Variants in NCR1 observed in about 807,000 individuals in gnomAD.
The protein encoded by NCR1 is NK cell-activating receptor.
A neutral mutation model predicts 32.5 loss-of-function variants in NCR1; 30 were observed. That is an observed-to-expected ratio of 0.92 (90% CI 0.69 to 1.25). The LOEUF is 1.25. Among genes scored for constraint, NCR1 ranks in the 50% most tolerant of loss-of-function variants. The pLI is 0.00. For missense variants in NCR1, 369 were observed against 380.7 expected, an observed-to-expected ratio of 0.97 and a Z score of 0.26; for synonymous variants, 169 against 143.4, an observed-to-expected ratio of 1.18 and a Z score of -1.28.
the NCR1 span, among the ~76,000 whole-genome samples, chr19:54,933,946 A>G: frequency 5.9e-5 from 9 of 152,106 alleles, no homozygotes; most frequent in African/African-American, 2.2e-4. Flanking sequence ...ATCACAGGAC[A>G]CAGGTGTTGT....
At chr19:54,936,239 G>C in the NCR1 span, 1 of 1,608,480 alleles carries the variant, frequency 6.2e-7, no homozygotes. Flanking sequence ...GTGCTGGGGA[G>C]AGCCGTGACC....
At chr19:54,934,706 A>G in the NCR1 span, 18 of 1,478,442 alleles carry the variant, frequency 1.2e-5, no homozygotes, top group Non-Finnish European at 1.6e-5. This position sits in a 1 kb window ranked among gnomAD's most constrained non-coding sequence, Gnocchi z 6.7. Context: ...GACAGAGTAT[A>G]CCCTATCAGC....
chr19:54,910,398 C>T (rs2067910847), intron 5 of NCR1, among the ~76,000 whole-genome samples: 1 of 151,954 alleles, frequency 6.6e-6, no homozygotes, highest in Non-Finnish European at 1.5e-5. Flanking sequence ...GGTGAAACCC[C>T]ATCTCTACTA....
At chr19:54,935,353 C>T in the NCR1 span, among the ~76,000 whole-genome samples, 1 of 152,012 alleles carries the variant, frequency 6.6e-6, no homozygotes, top group Non-Finnish European at 1.5e-5. Flanking sequence ...TCAGCATCCA[C>T]TGTAGCTGGG....
upstream of NCR1, among the ~76,000 whole-genome samples, chr19:54,903,344 A>C (rs1314736234): frequency 8.4e-6 from 1 of 119,488 alleles, no homozygotes; most frequent in East Asian, 2.4e-4. Flanking sequence ...ATGTATATAC[A>C]TATATGCATA....
chr19:54,936,539 T>C, the NCR1 span: 3 of 1,009,076 alleles, frequency 3.0e-6, no homozygotes, highest in East Asian at 7.2e-5. Flanking sequence ...TAGAAGTTCT[T>C]GGCCGGGTGC....
upstream of NCR1, among the ~76,000 whole-genome samples, chr19:54,901,355 C>T (rs1569535300): frequency 1.5e-5 from 1 of 66,092 alleles, no homozygotes; most frequent in Admixed American, 2.2e-4. Flanking sequence ...AGCGAGAGTC[C>T]ATCTCAAAAA....
the NCR1 span, chr19:54,934,583 G>A: frequency 6.2e-7 from 1 of 1,614,130 alleles, no homozygotes; most frequent in South Asian, 1.1e-5. This position sits in a 1 kb window ranked among gnomAD's most constrained non-coding sequence, Gnocchi z 6.7. Context: ...AGACGCAGGT[G>A]CTTCAGGGAC....
the NCR1 span, chr19:54,933,702 C>T: frequency 6.2e-7 from 1 of 1,614,176 alleles, no homozygotes; most frequent in East Asian, 2.2e-5. Flanking sequence ...GCAGCAAGGT[C>T]CTTGCAACTG....
chr19:54,917,477 G>A (rs1160358932), downstream of NCR1, among the ~76,000 whole-genome samples: 5 of 151,952 alleles, frequency 3.3e-5, no homozygotes, highest in African/African-American at 4.8e-5. Flanking sequence ...GTGCCGCCAC[G>A]CCTGGCTAAT....
the NCR1 span, among the ~76,000 whole-genome samples, chr19:54,899,345 C>T: frequency 3.6e-4 from 55 of 151,930 alleles, no homozygotes; most frequent in Middle Eastern, 3.4e-3. Flanking sequence ...TTTAAGAACA[C>T]AGGCTAAGGG....
At chr19:54,904,780 C>T (rs192470842), upstream of NCR1, among the ~76,000 whole-genome samples, 4 of 152,256 alleles carry the variant, frequency 2.6e-5, no homozygotes, top group Non-Finnish European at 5.9e-5. Context: ...GATCCACCTG[C>T]CTCAGCCTCC....
At chr19:54,900,343 T>G in the NCR1 span, among the ~76,000 whole-genome samples, 1 of 151,706 alleles carries the variant, frequency 6.6e-6, no homozygotes, top group Non-Finnish European at 1.5e-5. Context: ...TAAAGGAAAA[T>G]TACAGTCAAA....
chr19:54,932,886 G>A, the NCR1 span, among the ~76,000 whole-genome samples: 3 of 151,982 alleles, frequency 2.0e-5, no homozygotes, highest in Admixed American at 6.6e-5. Context: ...CGAACCTTAG[G>A]TGATCTGCCC....
In NCR1 at chr19:54,912,152, C is replaced by T. The variant is rs2146088003; in HGVS notation, c.683-16C>T. On this transcript the variant is annotated splice_polypyrimidine_tract_variant and intron_variant, in intron 5 of 6. Coordinates refer to ENST00000291890, the MANE Select transcript of NCR1 (RefSeq NM_004829.7). ...GGTCAAAACCATCCTCTTTTCTTCA[C>T]TTCCCTTATCATCAGCAGACACTTG... 4 of 1,612,630 alleles carry T rather than the reference C, an allele frequency of 2.5e-6. No homozygotes were observed. The highest frequency in any genetic ancestry group is 3.4e-6 in the Non-Finnish European group (4 of 1,178,834).
At chr19:54,904,751 C>T (rs1348779344), upstream of NCR1, among the ~76,000 whole-genome samples, 7 of 151,954 alleles carry the variant, frequency 4.6e-5, no homozygotes, top group South Asian at 4.2e-4. Context: ...AGGCTGGTCT[C>T]GAACTCCCGA....
chr19:54,929,517 T>G, the NCR1 span, among the ~76,000 whole-genome samples: 98,176 of 152,006 alleles, frequency 0.65, 32,756 homozygotes, highest in East Asian at 0.83. Flanking sequence ...TGACAAACTT[T>G]GGGGAGAGAA....
the NCR1 span, among the ~76,000 whole-genome samples, chr19:54,921,772 CAAA>C: frequency 0.12 from 10,747 of 93,444 alleles, 441 homozygotes; most frequent in African/African-American, 0.16. Context: ...GACTCCATCT[CAAA>C]AAAAAAAAAA....
chr19:54,912,916 G>A lies in NCR1; in HGVS notation c.*45G>A. ...GTGGCCATGGGTGGATCTGAAAGCTGGTGTTGAGCCTGGGCGGCGTGAGCT... is the reference window on the plus strand; with the variant it reads ...GTGGCCATGGGTGGATCTGAAAGCTAGTGTTGAGCCTGGGCGGCGTGAGCT... On this transcript the variant is annotated 3_prime_UTR_variant, in exon 7 of 7. Transcript: ENST00000291890. 6.3e-7 allele frequency: 1 copy of A among 1,588,790 alleles called. No individual in the cohort carries two copies. Among genetic ancestry groups the A allele is most frequent in the Non-Finnish European group, 8.6e-7 (1 of 1,165,006 alleles).
Sources: gnomAD v4.1 joint callset for allele counts (sites outside exome capture counted in the v4.1 genomes callset) on GRCh38, gnomAD v4.1.1 for gene constraint, Gnocchi (gnomAD v3.1) non-coding constraint, MANE v1.5 for transcripts, NCBI Gene and HGNC (gene_info 2026-07-23, HGNC 2026-07-21) for gene names.